PHF24: variants seen among roughly 807,000 people sequenced by gnomAD.
PHF24 encodes the protein Galpha inhibitory interacting protein.
Under a neutral mutation model 42.6 loss-of-function variants are expected in PHF24, and 25 were observed. The observed-to-expected ratio is 0.59, with a 90% CI of 0.43 to 0.82. PHF24 has a LOEUF of 0.82. PHF24 is among the 40% of genes least tolerant of loss of function. The probability of loss-of-function intolerance (pLI) is 0.00; values close to 1 mark genes in which losing one functional copy is unlikely to be tolerated. For missense variants in PHF24, 470 were observed against 538.1 expected, an observed-to-expected ratio of 0.87 and a Z score of 1.25; for synonymous variants, 185 against 204.8, an observed-to-expected ratio of 0.90 and a Z score of 0.83.
chr9:34,710,466 C>CTTTTTT, the PHF24 span, among the ~76,000 whole-genome samples: 4 of 117,438 alleles, frequency 3.4e-5, no homozygotes, highest in East Asian at 2.8e-4. Flanking sequence ...TGTAAGAGTT[C>CTTTTTT]TTTTTTTTTT....
chr9:34,916,676 A>C, the PHF24 span, among the ~76,000 whole-genome samples: 1 of 152,250 alleles, frequency 6.6e-6, no homozygotes, highest in Non-Finnish European at 1.5e-5. Context: ...AAAGCTGTTC[A>C]TGCCATATTA....
chr9:34,837,421 C>A, the PHF24 span: 1 of 460,668 alleles, frequency 2.2e-6, no homozygotes, highest in Non-Finnish European at 4.0e-6. Flanking sequence ...TAGCAAATGA[C>A]ACAGCTAAGG....
At chr9:34,939,354 G>T in the PHF24 span, among the ~76,000 whole-genome samples, 1 of 152,216 alleles carries the variant, frequency 6.6e-6, no homozygotes, top group Non-Finnish European at 1.5e-5. Context: ...AGAAGTAGAT[G>T]CCAAGAATCG....
the PHF24 span, among the ~76,000 whole-genome samples, chr9:34,943,011 A>G: frequency 2.7e-5 from 4 of 150,806 alleles, no homozygotes; most frequent in South Asian, 8.4e-4. Context: ...ATAAAAAAAG[A>G]AAGAAAAGAA....
chr9:34,688,386 C>A, the PHF24 span, among the ~76,000 whole-genome samples: 1 of 152,190 alleles, frequency 6.6e-6, no homozygotes, highest in African/African-American at 2.4e-5. Flanking sequence ...TCACTCTGTA[C>A]AGAGAAGCCC....
At chr9:34,743,665 G>GC in the PHF24 span, among the ~76,000 whole-genome samples, 3 of 152,154 alleles carry the variant, frequency 2.0e-5, no homozygotes, top group African/African-American at 7.2e-5. Context: ...TTGAGTTTGT[G>GC]CGAAAAATTT....
the PHF24 span, among the ~76,000 whole-genome samples, chr9:34,939,117 C>G: frequency 6.6e-6 from 1 of 151,694 alleles, no homozygotes; most frequent in Non-Finnish European, 1.5e-5. Flanking sequence ...CGCATCTCTA[C>G]TAAAAATACA....
chr9:34,868,830 G>A, the PHF24 span, among the ~76,000 whole-genome samples: 1 of 152,136 alleles, frequency 6.6e-6, no homozygotes, highest in South Asian at 2.1e-4. Flanking sequence ...GTGCCATGGT[G>A]GTTTGCTGTA....
At chr9:34,784,272 C>T in the PHF24 span, among the ~76,000 whole-genome samples, 4 of 146,142 alleles carry the variant, frequency 2.7e-5, no homozygotes, top group East Asian at 2.3e-4. Context: ...ATAAGACATG[C>T]GTGGGCAGGT....
the PHF24 span, among the ~76,000 whole-genome samples, chr9:34,844,276 G>T: frequency 6.6e-6 from 1 of 151,574 alleles, no homozygotes; most frequent in African/African-American, 2.4e-5. Flanking sequence ...TGTTTTTCTA[G>T]TGTCTATTTT....
the PHF24 span, chr9:34,725,815 G>A: frequency 2.8e-5 from 43 of 1,549,914 alleles, no homozygotes; most frequent in East Asian, 5.9e-4. Flanking sequence ...GTTGGGGGAA[G>A]GAGAGCTCAT....
At chr9:34,961,052 C>T (rs1016124777) in intron 1 of PHF24, among the ~76,000 whole-genome samples, 5 of 152,174 alleles carry the variant, frequency 3.3e-5, no homozygotes, top group Non-Finnish European at 5.9e-5. Context: ...TTTGCCATTC[C>T]TTTCCTTCAA....
chr9:34,751,425 T>C, the PHF24 span, among the ~76,000 whole-genome samples: 2 of 152,060 alleles, frequency 1.3e-5, no homozygotes, highest in Non-Finnish European at 1.5e-5. Context: ...CAAAATAGAT[T>C]TGAAGACAAA....
At chr9:34,819,385 ATTTC>A in the PHF24 span, among the ~76,000 whole-genome samples, 1 of 151,910 alleles carries the variant, frequency 6.6e-6, no homozygotes, top group Admixed American at 6.6e-5. Context: ...AGATTTTTCT[ATTTC>A]TTTAATATCG....
intron 5 of PHF24, 87 bp from the exon 6 acceptor site, chr9:34,976,996 C>T (rs771764214): frequency 4.9e-6 from 7 of 1,438,386 alleles, no homozygotes; most frequent in Non-Finnish European, 6.6e-6. Context: ...AGGGAGGTTG[C>T]AAAGGTGGTA....
chr9:34,967,409 T>C (rs1241341362), intron 1 of PHF24, among the ~76,000 whole-genome samples: 1 of 152,208 alleles, frequency 6.6e-6, no homozygotes, highest in Non-Finnish European at 1.5e-5. Context: ...TGACTTCAGT[T>C]GCAGATCTAT....
At chr9:34,879,909 A>G in the PHF24 span, among the ~76,000 whole-genome samples, 1 of 152,350 alleles carries the variant, frequency 6.6e-6, no homozygotes, top group South Asian at 2.1e-4. Flanking sequence ...CAGATTCACC[A>G]AAGTTGAAAT....
chr9:34,917,923 C>T, the PHF24 span: 2 of 1,586,694 alleles, frequency 1.3e-6, no homozygotes, highest in Admixed American at 1.7e-5. Flanking sequence ...TGGAATGGTG[C>T]AGGCTGCCAT....
chr9:34,963,258 G>GTTTT (rs55701555), intron 1 of PHF24, among the ~76,000 whole-genome samples: 3 of 117,108 alleles, frequency 2.6e-5, no homozygotes, highest in Non-Finnish European at 5.4e-5. Context: ...CTTTTTGATG[G>GTTTT]TTTTTTTTTT....
Sources: gnomAD v4.1 joint callset for allele counts (sites outside exome capture counted in the v4.1 genomes callset) on GRCh38, gnomAD v4.1.1 for gene constraint, MANE v1.5 for transcripts, NCBI Gene and HGNC (gene_info 2026-07-23, HGNC 2026-07-21) for gene names.